The following SPINT1 variants were observed in gnomAD, a reference collection of about 807,000 sequenced individuals.
SPINT1 encodes the protein kunitz-type protease inhibitor 1.
Under a neutral mutation model 53.7 loss-of-function variants are expected in SPINT1, and 38 were observed. That is an observed-to-expected ratio of 0.71 (90% CI 0.55 to 0.93). The LOEUF is 0.93. Ranked by LOEUF, SPINT1 falls within the 40% of genes least tolerant of loss-of-function variation. SPINT1 has a pLI of 0.00. For synonymous variants in SPINT1, 283 were observed against 280.6 expected (o/e 1.01, Z -0.08); for missense variants, 645 against 692.9 (o/e 0.93, Z 0.78).
chr15:40,850,340 G>A lies in SPINT1; in HGVS notation c.476-2784G>A, dbSNP rs191817849. Among the ~76,000 whole-genome samples the A allele has an allele frequency of 7.2e-4, 110 of 152,324 alleles. 1 individual carries two copies. The Middle Eastern group carries it at 0.01, about 14-fold the overall frequency. On this transcript the variant is annotated intron_variant, in intron 2 of 10. Transcript: ENST00000562057. Reference sequence around the variant, plus strand: ...ACCCGCCCCGCTTCCCAAAGTGCTGGGATTACAGGCGTGAGCCACCGCACC... The same window carrying A: ...ACCCGCCCCGCTTCCCAAAGTGCTGAGATTACAGGCGTGAGCCACCGCACC...
At chr15:40,846,629 C>G (rs565342941) in intron 2 of SPINT1, among the ~76,000 whole-genome samples, 1 of 152,146 alleles carries the variant, frequency 6.6e-6, no homozygotes, top group Non-Finnish European at 1.5e-5. Context: ...CAGTGGATAA[C>G]AGAACCGGGG....
intron 6 of SPINT1, 139 bp downstream of exon 6, chr15:40,854,225 C>T (rs1891559148): frequency 2.2e-6 from 3 of 1,368,606 alleles, no homozygotes; most frequent in African/African-American, 1.5e-5. Context: ...CATCCCACCC[C>T]TTCCAGCCCA....
intron 2 of SPINT1, among the ~76,000 whole-genome samples, chr15:40,848,446 C>G (rs1407963634): frequency 6.6e-6 from 1 of 152,192 alleles, no homozygotes; most frequent in Non-Finnish European, 1.5e-5. Flanking sequence ...ACGGATAAAA[C>G]AACTTACCAG....
Position 40,857,020 on chromosome 15 carries a change from C to T in SPINT1, c.*45C>T. On this transcript the variant is annotated 3_prime_UTR_variant, in exon 11 of 11. Transcript: ENST00000562057. ...TCACCTGGCCCTGCTTCCTGCTTGC[C>T]AAGGCAGAGGCCTGGGCTGGGAAAA... The T allele has an allele frequency of 6.2e-7, 1 of 1,605,134 alleles. No homozygotes were observed. Among genetic ancestry groups the T allele is most frequent in the Non-Finnish European group, 8.5e-7 (1 of 1,173,852 alleles).
rs956706018 is a variant in SPINT1, at chr15:40,844,292, C to G, written c.-66+106C>G. The G allele has an allele frequency of 3.5e-6, 2 of 572,526 alleles. No homozygotes were observed. The highest frequency in any genetic ancestry group is 4.0e-5 in the African/African-American group (2 of 50,486). 35.5% of individuals were successfully genotyped at this position (572,526 alleles called of 1,614,324 possible). ...GCGTGTGTCCGGGTACTTGAGCTCCCTAGCGGTCCGCCTGTCCGTCTGTCT... is the reference window on the plus strand; with the variant it reads ...GCGTGTGTCCGGGTACTTGAGCTCCGTAGCGGTCCGCCTGTCCGTCTGTCT... On this transcript the variant is annotated intron_variant, in intron 1 of 10. Coordinates refer to ENST00000562057, the MANE Select transcript of SPINT1 (RefSeq NM_003710.4). The surrounding 1 kb of genome is among the most constrained non-coding windows in gnomAD (Gnocchi z 5.8).
chr15:40,852,281 G>A (rs541901086), intron 2 of SPINT1, among the ~76,000 whole-genome samples: 25 of 152,138 alleles, frequency 1.6e-4, no homozygotes, highest in Non-Finnish European at 2.6e-4. Flanking sequence ...ATACTTTGTC[G>A]TTGGATTTGG....
Position 40,853,428 on chromosome 15 carries a change from G to A in SPINT1, c.604-61G>A, listed in dbSNP as rs964663559. On this transcript the variant is annotated intron_variant, in intron 3 of 10. Coordinates refer to ENST00000562057, the MANE Select transcript of SPINT1 (RefSeq NM_003710.4). ...GGGGTGTGGGTGTGTGTCTGGCCAG[G>A]CCTGGGGCAGCCCAAGGGCATCAGG... 12 of 1,613,166 alleles carry A rather than the reference G, an allele frequency of 7.4e-6. No individual in the cohort carries two copies. In the South Asian group the frequency reaches 1.3e-4, roughly 18 times the overall value.
intron 8 of SPINT1, among the ~76,000 whole-genome samples, chr15:40,854,922 A>G (rs960018352): frequency 2.6e-5 from 4 of 152,136 alleles, no homozygotes; most frequent in African/African-American, 4.8e-5. Flanking sequence ...ACACCTTCAT[A>G]ACTTCAGCCA....
intron 4 of SPINT1, 31 bp from the exon 5 acceptor site, chr15:40,853,680 G>A (rs183829210): frequency 1.8e-5 from 29 of 1,613,958 alleles, no homozygotes; most frequent in African/African-American, 6.7e-5. Context: ...CGGATTGGCC[G>A]CACGGTCCCC....
Position 40,855,663 on chromosome 15 carries a change from G to T in SPINT1, c.1118-229G>T, listed in dbSNP as rs191317085. On this transcript the variant is annotated intron_variant, in intron 8 of 10. Coordinates refer to ENST00000562057, the MANE Select transcript of SPINT1 (RefSeq NM_003710.4). The stretch of plus-strand genomic sequence containing the variant: ...CAGTCAGAAAAGCTGAAAGAAAATT[G>T]AAATAACTATGAGTCGGCGTAGTTT... 564 of 444,696 alleles carry T rather than the reference G, an allele frequency of 1.3e-3. 5 individuals carry two copies. The highest frequency in any genetic ancestry group is 0.011 in the African/African-American group (526 of 49,756). 27.5% of individuals were successfully genotyped at this position (444,696 alleles called of 1,614,324 possible).
chr15:40,844,812 C>G lies in SPINT1; in HGVS notation c.258C>G (p.Asp86Glu). 6.2e-7 allele frequency: 1 copy of G among 1,613,554 alleles called. No homozygotes were observed. Among genetic ancestry groups the G allele is most frequent in the Non-Finnish European group, 8.5e-7 (1 of 1,179,860 alleles). The change falls in exon 2 of 11, where the codon GAC becomes GAG. Residue 86 changes from aspartate (D) to glutamate (E), a missense_variant. Coordinates refer to ENST00000562057, the MANE Select transcript of SPINT1 (RefSeq NM_003710.4). The surrounding 1 kb of genome is among the most constrained non-coding windows in gnomAD (Gnocchi z 5.8). ...LESPTVRRGW[D>E]CVRACCTTQN... ...CCCCCACCGTGCGCCGGGGCTGGGA[C>G]TGCGTGCGCGCCTGCTGCACCACCC...
chr15:40,852,271 A>G (rs1439335063), intron 2 of SPINT1, among the ~76,000 whole-genome samples: 2 of 152,134 alleles, frequency 1.3e-5, no homozygotes, highest in African/African-American at 4.8e-5. Context: ...TCTTATAAAG[A>G]TACTTTGTCG....
intron 2 of SPINT1, among the ~76,000 whole-genome samples, chr15:40,845,318 ATTTTTTTT>A (rs34480117): frequency 0.033 from 1,918 of 58,214 alleles, 83 homozygotes; most frequent in African/African-American, 0.13. Flanking sequence ...GACCCGGCTA[ATTTTTTTT>A]TTTTTTTTTT....
chr15:40,851,722 T>C (rs1396043767), intron 2 of SPINT1, among the ~76,000 whole-genome samples: 1 of 152,142 alleles, frequency 6.6e-6, no homozygotes, highest in African/African-American at 2.4e-5. Context: ...ATGAACTGGT[T>C]GGCTTAAAAC....
At chr15:40,854,165 G>A in intron 6 of SPINT1, 79 bp downstream of exon 6, 2 of 1,465,054 alleles carry the variant, frequency 1.4e-6, no homozygotes, top group Non-Finnish European at 9.2e-7. Flanking sequence ...TAAGCAGCCT[G>A]CCTTTGACCA....
At chr15:40,855,855 T>A (rs780421858) in intron 8 of SPINT1, 37 bp from the exon 9 acceptor site, 2 of 1,584,264 alleles carry the variant, frequency 1.3e-6, no homozygotes, top group Non-Finnish European at 1.7e-6. Context: ...AGGGAGGCCA[T>A]GGACTCGCTC....
Position 40,857,658 on chromosome 15 carries a change from T to G in SPINT1, c.*683T>G, listed in dbSNP as rs1891694981. 1 of 152,352 alleles carries G rather than the reference T, an allele frequency of 6.6e-6. No individual in the cohort carries two copies. Among genetic ancestry groups the G allele is most frequent in the Non-Finnish European group, 1.5e-5 (1 of 68,164 alleles). The allele number at this position is 152,352 out of a possible 1,614,324, so 9.4% of individuals were successfully genotyped here. On this transcript the variant is annotated 3_prime_UTR_variant, in exon 11 of 11. Transcript: ENST00000562057. ...GGGTAATAAAAGTGGTTTGTGGAGTTTCTGGCTCTGTTCTGTGGGCCAGGA... is the reference window on the plus strand; with the variant it reads ...GGGTAATAAAAGTGGTTTGTGGAGTGTCTGGCTCTGTTCTGTGGGCCAGGA...
intron 8 of SPINT1, 149 bp from the exon 9 acceptor site, chr15:40,855,743 T>C (rs1422611391): frequency 5.5e-6 from 4 of 731,002 alleles, no homozygotes; most frequent in Non-Finnish European, 6.5e-6. Flanking sequence ...CTGGCACCAC[T>C]GCAGCTGGGC....
chr15:40,845,822 G>A (rs1047085532), intron 2 of SPINT1, among the ~76,000 whole-genome samples: 3 of 152,248 alleles, frequency 2.0e-5, no homozygotes, highest in Admixed American at 2.0e-4. Context: ...CCGATGCCCT[G>A]TCAGGTGAGC....
Sources: gnomAD v4.1 joint callset for allele counts (sites outside exome capture counted in the v4.1 genomes callset) on GRCh38, gnomAD v4.1.1 for gene constraint, Gnocchi (gnomAD v3.1) non-coding constraint, MANE v1.5 for transcripts, NCBI Gene and HGNC (gene_info 2026-07-23, HGNC 2026-07-21) for gene names.